MAPK9: variants seen among roughly 807,000 people sequenced by gnomAD.
The protein encoded by MAPK9 is Jun kinase.
A neutral mutation model predicts 57.1 loss-of-function variants in MAPK9; 30 were observed. The observed-to-expected ratio is 0.53, with a 90% CI of 0.39 to 0.71. MAPK9 has a LOEUF of 0.71. Ranked by LOEUF, MAPK9 falls within the 30% of genes least tolerant of loss-of-function variation. MAPK9 has a pLI of 0.00. For synonymous variants in MAPK9, 155 were observed against 177.0 expected (o/e 0.88, Z 0.99); for missense variants, 362 against 521.0 (o/e 0.69, Z 2.97).
chr5:180,238,986 T>C (rs761362434), intron 10 of MAPK9, among the ~76,000 whole-genome samples: 5 of 152,200 alleles, frequency 3.3e-5, no homozygotes, highest in Admixed American at 1.3e-4. Flanking sequence ...GGGGGCTTTA[T>C]GAAGTGGAGT....
chr5:180,238,230 G>T, intron 11 of MAPK9, 102 bp downstream of exon 11: 3 of 819,650 alleles, frequency 3.7e-6, no homozygotes, highest in Non-Finnish European at 5.9e-6. Flanking sequence ...AGATCGCGCC[G>T]CTGCTCTCCA....
chr5:180,250,974 T>C (rs1161998066), intron 5 of MAPK9, among the ~76,000 whole-genome samples: 1 of 152,108 alleles, frequency 6.6e-6, no homozygotes, highest in East Asian at 1.9e-4. Flanking sequence ...TCTTGTTTCC[T>C]TTTTTAAAAT....
At chr5:180,273,780 A>C (rs1275989157) in intron 2 of MAPK9, among the ~76,000 whole-genome samples, 1 of 152,182 alleles carries the variant, frequency 6.6e-6, no homozygotes, top group Non-Finnish European at 1.5e-5. Context: ...CACTGCCATA[A>C]GTCAGAAGCC....
chr5:180,250,222 T>A (rs59926744), intron 5 of MAPK9, among the ~76,000 whole-genome samples: 86 of 152,292 alleles, frequency 5.6e-4, no homozygotes, highest in African/African-American at 2.0e-3. Flanking sequence ...AATGAAGACA[T>A]GCATCATATT....
intron 5 of MAPK9, among the ~76,000 whole-genome samples, chr5:180,251,859 G>A (rs960878937): frequency 6.6e-5 from 10 of 152,036 alleles, no homozygotes; most frequent in African/African-American, 1.9e-4. Flanking sequence ...CCCACTGCCC[G>A]CTCAACTCTG....
intron 5 of MAPK9, among the ~76,000 whole-genome samples, chr5:180,260,143 G>A (rs1186982800): frequency 1.3e-5 from 2 of 152,084 alleles, no homozygotes; most frequent in Non-Finnish European, 2.9e-5. Flanking sequence ...TAAACAATGT[G>A]GTAGTGTCTT....
chr5:180,233,988 A>T lies in MAPK9; in HGVS notation c.*2396T>A, dbSNP rs1053310362. ...CAGACTGCTCTCCTGCTCTCACAGAACTCTGTCTGCTCTCTGGACTCTGCC... is the reference window on the plus strand; with the variant it reads ...CAGACTGCTCTCCTGCTCTCACAGATCTCTGTCTGCTCTCTGGACTCTGCC... On this transcript the variant is annotated 3_prime_UTR_variant, in exon 12 of 12. Coordinates refer to ENST00000452135, the MANE Select transcript of MAPK9 (RefSeq NM_002752.5). 2 of 152,028 alleles carry T rather than the reference A, an allele frequency of 1.3e-5. No individual in the cohort carries two copies. The highest frequency in any genetic ancestry group is 4.8e-5 in the African/African-American group (2 of 41,372). 9.4% of individuals were successfully genotyped at this position (152,028 alleles called of 1,614,324 possible). A position where few individuals can be genotyped will look rare whatever the true frequency, so the allele number is the denominator to read the frequency against.
intron 3 of MAPK9, among the ~76,000 whole-genome samples, chr5:180,266,023 A>T (rs1760505300): frequency 6.6e-6 from 1 of 152,148 alleles, no homozygotes; most frequent in African/African-American, 2.4e-5. Flanking sequence ...ATGGGTGATA[A>T]AAAATCAGTA....
chr5:180,234,762 TTTC>T lies in MAPK9; in HGVS notation c.*1619_*1621del, dbSNP rs1328798560. 10 of 152,246 alleles carry T rather than the reference TTTC, an allele frequency of 6.6e-5. No individual in the cohort carries two copies. The highest frequency in any genetic ancestry group is 1.4e-4 in the African/African-American group (6 of 41,460). 9.4% of individuals were successfully genotyped at this position (152,246 alleles called of 1,614,324 possible). ...CAAATGACACAATATAAAAGAACTA[TTTC>T]TTATTTCAATATTAATTTTGCTAAT... On this transcript the variant is annotated 3_prime_UTR_variant, in exon 12 of 12. Transcript: ENST00000452135.
At chr5:180,266,351 G>A (rs1489782449) in intron 3 of MAPK9, among the ~76,000 whole-genome samples, 1 of 137,782 alleles carries the variant, frequency 7.3e-6, no homozygotes, top group Non-Finnish European at 1.6e-5. Context: ...TTTCATTCTT[G>A]TCCCCCAGGC....
intron 4 of MAPK9, among the ~76,000 whole-genome samples, chr5:180,262,552 C>A (rs1343493389): frequency 6.9e-6 from 1 of 145,542 alleles, no homozygotes; most frequent in African/African-American, 2.6e-5. Flanking sequence ...CTCGGACTCC[C>A]AGAACTGAAA....
intron 8 of MAPK9, 65 bp from the exon 9 acceptor site, chr5:180,241,220 G>C: frequency 7.0e-7 from 1 of 1,419,916 alleles, no homozygotes. Context: ...ATACAATAAA[G>C]AACTAAATAT....
intron 8 of MAPK9, among the ~76,000 whole-genome samples, chr5:180,242,110 T>C (rs887264922): frequency 1.1e-4 from 16 of 152,216 alleles, no homozygotes; most frequent in African/African-American, 3.4e-4. Flanking sequence ...AAGCAAAGAC[T>C]GGGGCTTTTC....
intron 3 of MAPK9, among the ~76,000 whole-genome samples, chr5:180,267,811 C>CA (rs10714517): frequency 9.2e-5 from 14 of 151,490 alleles, no homozygotes; most frequent in Middle Eastern, 3.4e-3. Flanking sequence ...GACCCTGTCT[C>CA]AAAAAAACAA....
At chr5:180,252,819 A>G (rs1226625011) in intron 5 of MAPK9, among the ~76,000 whole-genome samples, 4 of 152,158 alleles carry the variant, frequency 2.6e-5, no homozygotes, top group South Asian at 4.1e-4. Context: ...GAGGGTATGA[A>G]TAACAGGAAA....
At chr5:180,271,371 G>T (rs1761295065) in intron 2 of MAPK9, among the ~76,000 whole-genome samples, 1 of 152,148 alleles carries the variant, frequency 6.6e-6, no homozygotes, top group Non-Finnish European at 1.5e-5. Context: ...CTTTAGAAAT[G>T]ATTCACCTAC....
rs752034335 is a variant in MAPK9, at chr5:180,234,651, T to C, written c.*1733A>G. 6.6e-6 allele frequency: 1 copy of C among 152,220 alleles called. No individual in the cohort carries two copies. Among genetic ancestry groups the C allele is most frequent in the Admixed American group, 6.5e-5 (1 of 15,284 alleles). 9.4% of individuals were successfully genotyped at this position (152,220 alleles called of 1,614,324 possible). A position where few individuals can be genotyped will look rare whatever the true frequency, so the allele number is the denominator to read the frequency against. ...AGAAAGTGTATTACAGAGAAGGCCA[T>C]TTTAAGATGTTTAGATAGATAGCCA... On this transcript the variant is annotated 3_prime_UTR_variant, in exon 12 of 12. Transcript: ENST00000452135.
intron 4 of MAPK9, among the ~76,000 whole-genome samples, chr5:180,264,288 T>C (rs996780451): frequency 2.0e-5 from 3 of 152,194 alleles, no homozygotes; most frequent in Admixed American, 6.5e-5. Flanking sequence ...CAATCAGATA[T>C]TTGTTAATGA....
At chr5:180,240,433 G>T (rs1026189796) in intron 9 of MAPK9, among the ~76,000 whole-genome samples, 3 of 152,194 alleles carry the variant, frequency 2.0e-5, no homozygotes, top group Non-Finnish European at 2.9e-5. Context: ...CTTATAAATT[G>T]GATTCTTTTT....
Sources: gnomAD v4.1 joint callset for allele counts (sites outside exome capture counted in the v4.1 genomes callset) on GRCh38, gnomAD v4.1.1 for gene constraint, MANE v1.5 for transcripts, NCBI Gene and HGNC (gene_info 2026-07-23, HGNC 2026-07-21) for gene names.